AVL9: variants seen among roughly 807,000 people sequenced by gnomAD.
The protein encoded by AVL9 is late secretory pathway protein AVL9 homolog.
A neutral mutation model predicts 79.2 loss-of-function variants in AVL9; 49 were observed. That is an observed-to-expected ratio of 0.62 (90% CI 0.49 to 0.79). AVL9 has a LOEUF of 0.79. Among genes scored for constraint, AVL9 ranks in the 30% least tolerant of loss-of-function variants. The pLI is 0.00. For missense variants in AVL9, 682 were observed against 776.8 expected (o/e 0.88, Z 1.45); for synonymous variants, 299 against 280.6 (o/e 1.07, Z -0.65).
chr7:32,552,328 C>G (rs778193400), intron 6 of AVL9, 33 bp downstream of exon 6: 1 of 1,345,042 alleles, frequency 7.4e-7, no homozygotes, highest in South Asian at 1.2e-5. Context: ...AAAAGAGATC[C>G]CCTCATTTCT....
intron 1 of AVL9, among the ~76,000 whole-genome samples, chr7:32,541,413 T>G (rs1789201974): frequency 1.3e-5 from 2 of 152,148 alleles, no homozygotes; most frequent in Non-Finnish European, 2.9e-5. Flanking sequence ...GGACTCCTTA[T>G]GATAAATACT....
At chr7:32,546,526 ATAAAG>A (rs1183249264) in intron 3 of AVL9, among the ~76,000 whole-genome samples, 2 of 152,194 alleles carry the variant, frequency 1.3e-5, no homozygotes, top group Non-Finnish European at 2.9e-5. Context: ...AGCTGAGAAA[ATAAAG>A]AGAAAAGAGG....
intron 1 of AVL9, among the ~76,000 whole-genome samples, chr7:32,540,829 G>T (rs1298615713): frequency 7.3e-6 from 1 of 136,460 alleles, no homozygotes; most frequent in Non-Finnish European, 1.5e-5. Context: ...AATTCAAATT[G>T]CATTTCCATG....
intron 12 of AVL9, among the ~76,000 whole-genome samples, chr7:32,574,228 A>AG (rs1303394703): frequency 2.0e-5 from 2 of 101,080 alleles, no homozygotes; most frequent in Non-Finnish European, 3.9e-5. Flanking sequence ...TTGTATCAGT[A>AG]GATTTTTTTA....
intron 1 of AVL9, among the ~76,000 whole-genome samples, chr7:32,510,872 G>T (rs1787639306): frequency 9.4e-6 from 1 of 106,324 alleles, no homozygotes; most frequent in Non-Finnish European, 1.9e-5. Context: ...GGTCTCGTTG[G>T]GAGAATCCAC....
At chr7:32,565,542 A>G (rs1562792452) in intron 10 of AVL9, among the ~76,000 whole-genome samples, 1 of 140,472 alleles carries the variant, frequency 7.1e-6, no homozygotes, top group African/African-American at 2.7e-5. Flanking sequence ...CAGGGCAACA[A>G]GAGCAAAACT....
rs1490977392 is a variant in AVL9, at chr7:32,559,436, A to G, written c.1187A>G (p.Tyr396Cys). Residue 396 changes from tyrosine to cysteine, a missense_variant, in exon 10 of 16, where the codon TAT (tyrosine) becomes TGT (cysteine). Transcript: ENST00000318709. ...ATTTCGGGTTTGGAAGAGGATCAGT[A>G]TGGCATGCCCCTGGCCATCTTCACA... ...GLISGLEEDQ[Y>C]GMPLAIFTKG... The G allele has an allele frequency of 6.3e-7, 1 of 1,588,474 alleles. No homozygotes were observed. The highest frequency in any genetic ancestry group is 8.6e-7 in the Non-Finnish European group (1 of 1,168,654).
chr7:32,580,168 G>T (rs752404608), intron 13 of AVL9, 51 bp from the exon 14 acceptor site: 11 of 1,404,500 alleles, frequency 7.8e-6, no homozygotes, highest in Non-Finnish European at 1.0e-5. Context: ...AACTCTTTTT[G>T]CAGCCTTTTT....
Position 32,525,840 on chromosome 7 carries a change from T to G in AVL9, c.94-17301T>G, listed in dbSNP as rs189251806. On this transcript the variant is annotated intron_variant, in intron 1 of 15. Transcript: ENST00000318709. ...CATCTCACTGGGCCTGATTTGTTTT[T>G]TACTGCAAATGCCCTACTACTAAAA... Among the ~76,000 whole-genome samples the G allele has an allele frequency of 3.2e-4, 48 of 152,316 alleles. No homozygotes were observed. The East Asian group carries it at 8.7e-3, about 28-fold the overall frequency.
chr7:32,575,824 G>A lies in AVL9; in HGVS notation c.1571-131G>A, dbSNP rs561255774. The stretch of plus-strand genomic sequence containing the variant: ...ACTAGACCCAAGTTTCCTGACATCT[G>A]GTAGGCTATCTCCCCACAAATATGG... On this transcript the variant is annotated intron_variant, in intron 12 of 15. Coordinates refer to ENST00000318709, the MANE Select transcript of AVL9 (RefSeq NM_015060.3). The A allele has an allele frequency of 6.3e-6, 4 of 635,568 alleles. 1 individual carries two copies. The South Asian group carries it at 8.2e-5, about 13-fold the overall frequency. The allele number at this position is 635,568 out of a possible 1,614,324, so 39.4% of individuals were successfully genotyped here.
intron 10 of AVL9, chr7:32,559,886 A>G (rs1790255786): frequency 6.4e-6 from 1 of 156,688 alleles, no homozygotes; most frequent in African/African-American, 2.4e-5. Flanking sequence ...CCAAGTGCAT[A>G]TAAAAGTTAT....
chr7:32,574,091 T>C (rs905777681), intron 12 of AVL9, among the ~76,000 whole-genome samples: 17 of 152,230 alleles, frequency 1.1e-4, no homozygotes, highest in African/African-American at 4.1e-4. Context: ...TGTGTTGAGC[T>C]TGTGTTTTTG....
In AVL9 at chr7:32,585,487, C is replaced by T. The variant is rs3801332; in HGVS notation, c.*1580C>T. 41,179 of 151,968 alleles carry T rather than the reference C, an allele frequency of 0.27. 5,957 individuals carry two copies. The highest frequency in any genetic ancestry group is 0.36 in the African/African-American group (15,024 of 41,414). 9.4% of individuals were successfully genotyped at this position (151,968 alleles called of 1,614,324 possible). ...GATGGCTGTTCTCAGAGAGTACTTA[C>T]GGGGAACAGACTGCCTTTTAGTAAC... On this transcript the variant is annotated 3_prime_UTR_variant, in exon 16 of 16. Transcript: ENST00000318709.
chr7:32,516,407 A>T (rs1787902272), intron 1 of AVL9, among the ~76,000 whole-genome samples: 1 of 152,072 alleles, frequency 6.6e-6, no homozygotes, highest in Non-Finnish European at 1.5e-5. Flanking sequence ...TTCTCTGGGC[A>T]TTTGCGTGAG....
chr7:32,527,685 A>C (rs911420464), intron 1 of AVL9, among the ~76,000 whole-genome samples: 2 of 152,150 alleles, frequency 1.3e-5, no homozygotes, highest in Admixed American at 6.5e-5. Flanking sequence ...GGATGGGCCC[A>C]CGGCAGGCTG....
intron 4 of AVL9, among the ~76,000 whole-genome samples, chr7:32,550,681 G>C (rs1022573068): frequency 2.6e-5 from 4 of 152,078 alleles, no homozygotes; most frequent in African/African-American, 9.7e-5. Context: ...GAAAATGGTA[G>C]AAGATTCTAA....
intron 1 of AVL9, among the ~76,000 whole-genome samples, chr7:32,527,140 A>G (rs775237368): frequency 6.6e-6 from 1 of 152,216 alleles, no homozygotes; most frequent in African/African-American, 2.4e-5. Context: ...ATGGGTACAA[A>G]GATGCCGAAA....
At chr7:32,555,151 C>A (rs1790001496) in intron 8 of AVL9, among the ~76,000 whole-genome samples, 1 of 152,020 alleles carries the variant, frequency 6.6e-6, no homozygotes, top group African/African-American at 2.4e-5. Context: ...CCAGCCTGGG[C>A]AACATGGTGA....
chr7:32,547,270 A>G (rs975627271), intron 3 of AVL9, among the ~76,000 whole-genome samples: 3 of 152,206 alleles, frequency 2.0e-5, no homozygotes, highest in African/African-American at 7.2e-5. Context: ...TAAAACCTGC[A>G]TGATTGCCAT....
Sources: allele counts gnomAD v4.1 joint callset (sites outside exome capture counted in the v4.1 genomes callset), GRCh38; gene constraint gnomAD v4.1.1; transcripts MANE v1.5; gene names NCBI Gene and HGNC (gene_info 2026-07-23, HGNC 2026-07-21).